CRYBG3: variants seen among roughly 807,000 people sequenced by gnomAD.
CRYBG3 encodes crystallin beta-gamma domain containing 3, also known as very large A-kinase anchor protein.
In CRYBG3, 127 loss-of-function variants were observed where a neutral mutation model predicts 244.2. The ratio of observed to expected loss-of-function variants is 0.52; its 90% confidence interval spans 0.45 to 0.60. CRYBG3 has a LOEUF of 0.60. Among genes scored for constraint, CRYBG3 ranks in the 20% least tolerant of loss-of-function variants. CRYBG3 has a pLI of 0.00. For missense variants in CRYBG3, 3,325 were observed against 3,442.5 expected (o/e 0.97, Z 0.85); for synonymous variants, 1,132 against 1,195.8 (o/e 0.95, Z 1.10).
In CRYBG3 at chr3:97,881,695, G is replaced by A. The variant is rs558708749; in HGVS notation, c.7152+476G>A. On this transcript the variant is annotated intron_variant, in intron 7 of 21. Coordinates refer to ENST00000389622, the MANE Select transcript of CRYBG3 (RefSeq NM_153605.4). The stretch of plus-strand genomic sequence containing the variant: ...CACGCCACTGCACTCCAGCCTGGGC[G>A]ACAGAGTGAGATTCAGTCTCAAAAA... Among the ~76,000 whole-genome samples, 6 of 152,090 alleles carry A rather than the reference G, an allele frequency of 3.9e-5. No homozygotes were observed. The South Asian group carries it at 6.2e-4, about 16-fold the overall frequency.
At chr3:97,919,680 A>C (rs78280953) in intron 17 of CRYBG3, among the ~76,000 whole-genome samples, 2,210 of 150,998 alleles carry the variant, frequency 0.015, 50 homozygotes, top group African/African-American at 0.05. Context: ...ATTTAGGAGT[A>C]ATCATACTGG....
intron 3 of CRYBG3, among the ~76,000 whole-genome samples, chr3:97,869,167 C>T (rs900088488): frequency 6.6e-6 from 1 of 152,040 alleles, no homozygotes; most frequent in African/African-American, 2.4e-5. Context: ...GGACTGGTTG[C>T]CTTATCCAAC....
intron 7 of CRYBG3, among the ~76,000 whole-genome samples, chr3:97,886,187 G>C (rs1345527378): frequency 6.6e-6 from 1 of 152,110 alleles, no homozygotes; most frequent in African/African-American, 2.4e-5. Flanking sequence ...ACACTGAAGA[G>C]GGTACTGCTT....
At position 97,933,817 on chromosome 3, in the gene CRYBG3, T is replaced by A; in HGVS notation, c.8365T>A (p.Trp2789Arg). 1 of 1,612,302 alleles carries A rather than the reference T, an allele frequency of 6.2e-7. No homozygotes were observed. Reference sequence around the variant, plus strand: ...CCTACACTTCTACACCCAGTCTGTGTGGGTAAAAAGTGGACTGTAAGTATG... The same window carrying A: ...CCTACACTTCTACACCCAGTCTGTGAGGGTAAAAAGTGGACTGTAAGTATG... ...KDLHFYTQSV[W>R]VKSGLWIAYE... is the part of the protein sequence containing the mutation. Residue 2789 changes from tryptophan (W) to arginine (R), a missense_variant, in exon 18 of 22, where the codon TGG (tryptophan) becomes AGG (arginine). Transcript: ENST00000389622.
chr3:97,943,237 T>A lies in CRYBG3; in HGVS notation c.8836T>A (p.Cys2946Ser), dbSNP rs745379779. ...AATTTCTATTTTAGGAGGAAATTAT[T>A]GTGACAAGACTCATGTAATTGTAAA... Reference protein sequence around the residue: ...LVLDVKGGNYCDKTHVIVNQP... With the variant: ...LVLDVKGGNYSDKTHVIVNQP... Residue 2946 changes from cysteine (C) to serine (S), a missense_variant, in exon 22 of 22, where the codon TGT (cysteine) becomes AGT (serine). By Grantham distance (112) the Cys-to-Ser change is moderately radical. Coordinates refer to ENST00000389622, the MANE Select transcript of CRYBG3 (RefSeq NM_153605.4). 8.3e-6 allele frequency: 13 copies of A among 1,568,440 alleles called. No individual in the cohort carries two copies. Among genetic ancestry groups the A allele is most frequent in the Non-Finnish European group, 1.1e-5 (13 of 1,144,692 alleles).
chr3:97,838,398 T>C (rs2038765210), intron 1 of CRYBG3, among the ~76,000 whole-genome samples: 1 of 152,140 alleles, frequency 6.6e-6, no homozygotes, highest in South Asian at 2.1e-4. Context: ...CAGACCATTG[T>C]TTATCAAGAA....
Position 97,886,618 on chromosome 3 carries a change from T to G in CRYBG3, c.7153-13T>G. 1 of 1,561,694 alleles carries G rather than the reference T, an allele frequency of 6.4e-7. No homozygotes were observed. On this transcript the variant is annotated splice_polypyrimidine_tract_variant and intron_variant, in intron 7 of 21. Coordinates refer to ENST00000389622, the MANE Select transcript of CRYBG3 (RefSeq NM_153605.4). ...CTAGTTGATTTCAAAGCCAAATTAT[T>G]TTTTTTTTTCAGGACTGCAGCATTC...
intron 17 of CRYBG3, among the ~76,000 whole-genome samples, chr3:97,918,910 G>A (rs1000148450): frequency 6.6e-6 from 1 of 152,138 alleles, no homozygotes; most frequent in Non-Finnish European, 1.5e-5. Flanking sequence ...ACATCATTGT[G>A]TCCACTCACA....
At chr3:97,824,183 A>C (rs2038548430) in intron 1 of CRYBG3, among the ~76,000 whole-genome samples, 1 of 152,222 alleles carries the variant, frequency 6.6e-6, no homozygotes, top group Admixed American at 6.5e-5. Context: ...AAGTTTAATA[A>C]AACAAATGGA....
intron 2 of CRYBG3, among the ~76,000 whole-genome samples, chr3:97,852,234 C>T (rs2038997401): frequency 6.6e-6 from 1 of 152,006 alleles, no homozygotes; most frequent in South Asian, 2.1e-4. Flanking sequence ...GGGATGGCTA[C>T]AAGAAGTGAA....
chr3:97,872,276 A>T lies in CRYBG3; in HGVS notation c.1082A>T (p.Asp361Val). 6.5e-7 allele frequency: 1 copy of T among 1,535,866 alleles called. No homozygotes were observed. Among genetic ancestry groups the T allele is most frequent in the African/African-American group, 1.4e-5 (1 of 73,138 alleles). The change falls in exon 4 of 22, where the codon GAC becomes GTC. Residue 361 changes from aspartate to valine, a missense_variant. This residue lies in a region of CRYBG3 where 1,526 missense variants were observed against 1,443.2 expected (regional missense o/e 1.06). Coordinates refer to ENST00000389622, the MANE Select transcript of CRYBG3 (RefSeq NM_153605.4). Reference sequence around the variant, plus strand: ...AACTCCAGCTACGATGGAGAATCTGACTCACAGCACCATTTAAGTTGTGAA... The same window carrying T: ...AACTCCAGCTACGATGGAGAATCTGTCTCACAGCACCATTTAAGTTGTGAA... ...VTNSSYDGESDSQHHLSCEPV... is the reference protein window; with the variant it reads ...VTNSSYDGESVSQHHLSCEPV...
At chr3:97,839,246 C>T (rs2038779122) in intron 1 of CRYBG3, among the ~76,000 whole-genome samples, 1 of 152,014 alleles carries the variant, frequency 6.6e-6, no homozygotes, top group Non-Finnish European at 1.5e-5. Flanking sequence ...GTTCTCTTTC[C>T]TTGGTATTTA....
chr3:97,943,914 A>G lies in CRYBG3; in HGVS notation c.*600A>G, dbSNP rs905753816. On this transcript the variant is annotated 3_prime_UTR_variant, in exon 22 of 22. Transcript: ENST00000389622. ...GGCAGGGACCTCAGCTTTGTTAGGA[A>G]TAAGGCACAAGAAGTATTTTCTGTA... is the stretch of plus-strand genomic sequence containing the variant. 6.6e-6 allele frequency: 1 copy of G among 151,996 alleles called. No homozygotes were observed. The highest frequency in any genetic ancestry group is 2.4e-5 in the African/African-American group (1 of 41,428). 9.4% of individuals were successfully genotyped at this position (151,996 alleles called of 1,614,324 possible). A position where few individuals can be genotyped will look rare whatever the true frequency, so the allele number is the denominator to read the frequency against.
At chr3:97,911,411 C>G (rs2039870736) in intron 15 of CRYBG3, among the ~76,000 whole-genome samples, 1 of 152,058 alleles carries the variant, frequency 6.6e-6, no homozygotes, top group South Asian at 2.1e-4. Flanking sequence ...TATTATATAT[C>G]TGGTCTAAAG....
chr3:97,871,440 G>C (rs1216932163), intron 3 of CRYBG3, among the ~76,000 whole-genome samples: 2 of 152,142 alleles, frequency 1.3e-5, no homozygotes, highest in African/African-American at 4.8e-5. Context: ...GCTTTAATGT[G>C]GTGGAGAAGT....
At chr3:97,890,752 A>G (rs1041717500) in intron 10 of CRYBG3, among the ~76,000 whole-genome samples, 9 of 152,156 alleles carry the variant, frequency 5.9e-5, no homozygotes, top group African/African-American at 2.2e-4. Flanking sequence ...ATTTGGCAAG[A>G]TATTGAGTTG....
intron 2 of CRYBG3, among the ~76,000 whole-genome samples, chr3:97,861,853 T>G (rs2039154631): frequency 6.6e-6 from 1 of 152,090 alleles, no homozygotes; most frequent in Non-Finnish European, 1.5e-5. Context: ...AATACATAAT[T>G]TATTGCAGGT....
chr3:97,858,026 C>A (rs1474347668), intron 2 of CRYBG3, among the ~76,000 whole-genome samples: 1 of 151,802 alleles, frequency 6.6e-6, no homozygotes, highest in Non-Finnish European at 1.5e-5. Context: ...TGTTTTGCTT[C>A]CAAATGTGGG....
chr3:97,901,242 A>T lies in CRYBG3; in HGVS notation c.8004+757A>T, dbSNP rs570908707. Among the ~76,000 whole-genome samples, 3 of 152,310 alleles carry T rather than the reference A, an allele frequency of 2.0e-5. No homozygotes were observed. The South Asian group carries it at 6.2e-4, about 32-fold the overall frequency. ...CGAGCAGTACAACTATAGAAGGAAG[A>T]GGGGGTGAGAGACATTGTTTCGTTT... On this transcript the variant is annotated intron_variant, in intron 15 of 21. Transcript: ENST00000389622.
Sources: allele counts gnomAD v4.1 joint callset (sites outside exome capture counted in the v4.1 genomes callset), GRCh38; gene constraint gnomAD v4.1.1; regional missense constraint gnomAD v4.1.1; transcripts MANE v1.5; gene names NCBI Gene and HGNC (gene_info 2026-07-23, HGNC 2026-07-21).